The following PHACTR1 variants were observed in gnomAD, a reference collection of about 807,000 sequenced individuals.
The protein encoded by PHACTR1 is RPEL repeat containing 1.
PHACTR1 carries 16 observed loss-of-function variants against 69.2 expected under a neutral mutation model. The ratio of observed to expected loss-of-function variants is 0.23; its 90% CI spans 0.16 to 0.35. The LOEUF is 0.35. Ranked by LOEUF, PHACTR1 falls within the 10% of genes least tolerant of loss-of-function variation. The pLI is 1.00. For synonymous variants in PHACTR1, 312 were observed against 284.5 expected (o/e 1.10, Z -0.97); for missense variants, 510 against 734.7 (o/e 0.69, Z 3.54).
chr6:13,270,871 GCATTTGCTTGA>G (rs991064455), intron 10 of PHACTR1, among the ~76,000 whole-genome samples: 2 of 152,098 alleles, frequency 1.3e-5, no homozygotes, highest in African/African-American at 4.8e-5. Context: ...CATGGCCCTG[GCATTTGCTTGA>G]CTTCTAGGGA....
intron 7 of PHACTR1, among the ~76,000 whole-genome samples, chr6:13,194,602 T>C (rs993877413): frequency 6.6e-6 from 1 of 152,148 alleles, no homozygotes; most frequent in Admixed American, 6.5e-5. Flanking sequence ...CTTCCCAGGG[T>C]ACATTTAATA....
intron 10 of PHACTR1, among the ~76,000 whole-genome samples, chr6:13,253,617 A>C (rs1774794721): frequency 6.6e-6 from 1 of 152,204 alleles, no homozygotes; most frequent in Admixed American, 6.5e-5. Context: ...TACCTAGGGT[A>C]AGCCTTCAGT....
chr6:12,730,210 C>G (rs991383018), intron 3 of PHACTR1, among the ~76,000 whole-genome samples: 7 of 152,144 alleles, frequency 4.6e-5, no homozygotes, highest in Admixed American at 1.3e-4. Context: ...ATATGTGGTT[C>G]TACTGGGCCT....
chr6:13,188,299 A>G (rs190024897), intron 7 of PHACTR1, among the ~76,000 whole-genome samples: 1 of 152,364 alleles, frequency 6.6e-6, no homozygotes, highest in East Asian at 1.9e-4. Flanking sequence ...GCAATCAGTT[A>G]TAATGAATCT....
chr6:13,178,568 A>T (rs911325464), intron 6 of PHACTR1, among the ~76,000 whole-genome samples: 1 of 152,212 alleles, frequency 6.6e-6, no homozygotes, highest in Non-Finnish European at 1.5e-5. Context: ...CTGTTTTTTA[A>T]TAGCCTCCAG....
At chr6:12,751,186 G>T (rs1039416934) in intron 4 of PHACTR1, among the ~76,000 whole-genome samples, 12 of 152,222 alleles carry the variant, frequency 7.9e-5, no homozygotes, top group African/African-American at 2.9e-4. Context: ...AACTGCCTTG[G>T]AATATAATTT....
intron 8 of PHACTR1, among the ~76,000 whole-genome samples, chr6:13,214,626 C>G (rs1767396750): frequency 6.6e-6 from 1 of 152,150 alleles, no homozygotes; most frequent in Non-Finnish European, 1.5e-5. Context: ...GAATTTTACG[C>G]TGAGACCTGA....
At chr6:12,974,024 C>T (rs540739831) in intron 4 of PHACTR1, among the ~76,000 whole-genome samples, 5 of 145,648 alleles carry the variant, frequency 3.4e-5, no homozygotes, top group South Asian at 4.4e-4. Flanking sequence ...AGGGTTCAAG[C>T]GATTCTCCTG....
chr6:12,944,832 G>C (rs1047222430), intron 4 of PHACTR1, among the ~76,000 whole-genome samples: 1 of 151,014 alleles, frequency 6.6e-6, no homozygotes, highest in Non-Finnish European at 1.5e-5. Flanking sequence ...GCCCAGGCTG[G>C]AATGCAGTGG....
At chr6:12,845,144 G>T (rs1779076843) in intron 4 of PHACTR1, among the ~76,000 whole-genome samples, 1 of 152,048 alleles carries the variant, frequency 6.6e-6, no homozygotes, top group Non-Finnish European at 1.5e-5. Flanking sequence ...CAAAATTGTG[G>T]GTTTTTAAAA....
intron 8 of PHACTR1, among the ~76,000 whole-genome samples, chr6:13,223,722 A>G (rs1013239572): frequency 5.3e-5 from 8 of 152,166 alleles, no homozygotes; most frequent in African/African-American, 1.4e-4. Context: ...TTACCCTTTC[A>G]GAGCTTCAAT....
intron 4 of PHACTR1, among the ~76,000 whole-genome samples, chr6:12,875,805 A>C (rs1450425267): frequency 6.6e-6 from 1 of 152,184 alleles, no homozygotes; most frequent in African/African-American, 2.4e-5. Flanking sequence ...GAGGGACTGC[A>C]GAAACTAAAT....
rs373072578 is a variant in PHACTR1 at position 13,248,269 on chromosome 6, C to T, written c.1391+18076C>T. Among the ~76,000 whole-genome samples, 108 of 152,312 alleles carry T rather than the reference C, an allele frequency of 7.1e-4. 1 individual carries two copies. The highest frequency in any genetic ancestry group is 2.4e-3 in the African/African-American group (100 of 41,562). On this transcript the variant is annotated intron_variant, in intron 10 of 14. Transcript: ENST00000332995. ...GAGCCACTGGGATATGCTCAGGCAG[C>T]TCCCAGGAGGAAACCGTAAATGCAT...
intron 5 of PHACTR1, among the ~76,000 whole-genome samples, chr6:13,087,855 C>G (rs182431509): frequency 3.3e-5 from 5 of 152,030 alleles, no homozygotes. Context: ...CCGTGCTGCC[C>G]GGGCTAATCT....
intron 4 of PHACTR1, among the ~76,000 whole-genome samples, chr6:12,990,595 T>G (rs957627731): frequency 1.3e-5 from 2 of 152,222 alleles, no homozygotes; most frequent in South Asian, 4.1e-4. Context: ...CAATTTTAGT[T>G]TTTGTAAATT....
At chr6:12,948,979 T>C (rs1275087722) in intron 4 of PHACTR1, among the ~76,000 whole-genome samples, 1 of 151,986 alleles carries the variant, frequency 6.6e-6, no homozygotes, top group Admixed American at 6.6e-5. Context: ...TACAAAGAAA[T>C]AGAAAAATGG....
At position 13,179,272 on chromosome 6, in the gene PHACTR1, C is replaced by T. The variant is rs1761832391; in HGVS notation, c.497-3247C>T. ...AACAACAACAACAACAAACCCAGTACTGATATATAAATAGCAGGACATGGA... is the reference window on the plus strand; with the variant it reads ...AACAACAACAACAACAAACCCAGTATTGATATATAAATAGCAGGACATGGA... On this transcript the variant is annotated intron_variant, in intron 6 of 14. Coordinates refer to ENST00000332995, the MANE Select transcript of PHACTR1 (RefSeq NM_030948.6). The surrounding 1 kb of genome is among the most constrained non-coding windows in gnomAD (Gnocchi z 4.2). Among the ~76,000 whole-genome samples, 1 of 152,014 alleles carries T rather than the reference C, an allele frequency of 6.6e-6. No homozygotes were observed. The highest frequency in any genetic ancestry group is 1.5e-5 in the Non-Finnish European group (1 of 68,004).
At chr6:13,073,331 ATTTTTTTTTTTTTT>A (rs10664160) in intron 5 of PHACTR1, among the ~76,000 whole-genome samples, 8 of 65,692 alleles carry the variant, frequency 1.2e-4, no homozygotes, top group Admixed American at 1.2e-3. Flanking sequence ...CATTCCATGA[ATTTTTTTTTTTTTT>A]TTTTTTTTTT....
At chr6:12,966,556 A>AT (rs1793528810) in intron 4 of PHACTR1, among the ~76,000 whole-genome samples, 1 of 151,990 alleles carries the variant, frequency 6.6e-6, no homozygotes, top group Non-Finnish European at 1.5e-5. Flanking sequence ...TCTTGTTTTT[A>AT]TTTTTACTTT....
Sources: gnomAD v4.1 joint callset for allele counts (sites outside exome capture counted in the v4.1 genomes callset) on GRCh38, gnomAD v4.1.1 for gene constraint, Gnocchi (gnomAD v3.1) non-coding constraint, MANE v1.5 for transcripts, NCBI Gene and HGNC (gene_info 2026-07-23, HGNC 2026-07-21) for gene names.